GTF2F2: variants seen among roughly 807,000 people sequenced by gnomAD.
GTF2F2 encodes the protein general transcription factor IIF subunit 2.
Under a neutral mutation model 42.2 loss-of-function variants are expected in GTF2F2, and 23 were observed. The ratio of observed to expected loss-of-function variants is 0.55; its 90% CI spans 0.39 to 0.77. The LOEUF (loss-of-function observed/expected upper bound fraction) is 0.77, where lower values mean the gene tolerates loss of function less well. Ranked by LOEUF, GTF2F2 falls within the 30% of genes least tolerant of loss-of-function variation. GTF2F2 has a pLI of 0.00. For synonymous variants in GTF2F2, 105 were observed against 100.8 expected, an observed-to-expected ratio of 1.04 and a Z score of -0.25; for missense variants, 261 against 287.2, an observed-to-expected ratio of 0.91 and a Z score of 0.66.
intron 6 of GTF2F2, among the ~76,000 whole-genome samples, chr13:45,258,293 A>T (rs527654436): frequency 6.6e-6 from 1 of 152,220 alleles, no homozygotes; most frequent in East Asian, 1.9e-4. Flanking sequence ...TAGGAATACC[A>T]AATGGATGGG....
intron 4 of GTF2F2, among the ~76,000 whole-genome samples, chr13:45,186,832 C>G (rs975905404): frequency 1.3e-5 from 2 of 152,084 alleles, no homozygotes; most frequent in African/African-American, 2.4e-5. Context: ...TAGTAGACTT[C>G]CTCAATTTTA....
intron 4 of GTF2F2, among the ~76,000 whole-genome samples, chr13:45,172,185 C>T (rs1871630602): frequency 6.6e-6 from 1 of 152,150 alleles, no homozygotes. Context: ...TATTGTCTGT[C>T]CCTTTGATTA....
intron 4 of GTF2F2, among the ~76,000 whole-genome samples, chr13:45,164,277 CAA>C (rs150777733): frequency 8.5e-6 from 1 of 117,856 alleles, no homozygotes. Context: ...GAGACAGTCT[CAA>C]AAAAAAAAAA....
At chr13:45,268,118 TCCA>T (rs978845352) in intron 7 of GTF2F2, among the ~76,000 whole-genome samples, 4 of 152,148 alleles carry the variant, frequency 2.6e-5, no homozygotes, top group Admixed American at 2.6e-4. Flanking sequence ...TTTAACTTTC[TCCA>T]CCACATGTCA....
intron 5 of GTF2F2, among the ~76,000 whole-genome samples, chr13:45,246,153 C>T (rs1360368092): frequency 4.0e-5 from 6 of 151,176 alleles, no homozygotes; most frequent in Non-Finnish European, 8.9e-5. Context: ...GGACTGCAGG[C>T]GCCCGCCACC....
intron 4 of GTF2F2, among the ~76,000 whole-genome samples, chr13:45,181,180 ACAAAC>A (rs1176925631): frequency 4.4e-4 from 58 of 131,508 alleles, no homozygotes; most frequent in African/African-American, 5.4e-4. Context: ...AGACAAAAAA[ACAAAC>A]AAACAAAAAA....
chr13:45,211,829 G>A (rs1234317170), intron 5 of GTF2F2, among the ~76,000 whole-genome samples: 3 of 149,938 alleles, frequency 2.0e-5, no homozygotes, highest in African/African-American at 7.4e-5. Context: ...CAGGTGATCC[G>A]CCCACCTCGG....
chr13:45,157,636 T>A (rs1462786267), intron 4 of GTF2F2, among the ~76,000 whole-genome samples: 2 of 152,186 alleles, frequency 1.3e-5, no homozygotes, highest in Admixed American at 6.5e-5. Context: ...TTGGATTCTT[T>A]TTTTGGTGGG....
chr13:45,283,467 A>C lies in GTF2F2; in HGVS notation c.656A>C (p.Glu219Ala). 1.9e-6 allele frequency: 3 copies of C among 1,612,332 alleles called. No individual in the cohort carries two copies. The highest frequency in any genetic ancestry group is 2.5e-6 in the Non-Finnish European group (3 of 1,178,814). Reference sequence around the variant, plus strand: ...GTGTACCTGAAGGAAATCTTAAAAGAAATTGGTGTTCAGAATGTAAAAGGG... The same window carrying C: ...GTGTACCTGAAGGAAATCTTAAAAGCAATTGGTGTTCAGAATGTAAAAGGG... ...PVVYLKEILK[E>A]IGVQNVKGIH... The change falls in exon 8 of 8, where the codon GAA (glutamate) becomes GCA (alanine). Residue 219 changes from glutamate (E) to alanine (A), a missense_variant. Physicochemically the swap from Glu to Ala is moderately radical, Grantham distance 107. Coordinates refer to ENST00000340473, the MANE Select transcript of GTF2F2 (RefSeq NM_004128.3).
At chr13:45,127,347 A>G (rs1012822092) in intron 1 of GTF2F2, among the ~76,000 whole-genome samples, 1 of 151,832 alleles carries the variant, frequency 6.6e-6, no homozygotes, top group East Asian at 1.9e-4. Context: ...TCTTTTTGAG[A>G]CAGGGTCTCA....
chr13:45,185,902 GA>G (rs1482557042), intron 4 of GTF2F2, among the ~76,000 whole-genome samples: 7 of 151,616 alleles, frequency 4.6e-5, no homozygotes, highest in Non-Finnish European at 8.8e-5. Context: ...TGCGTAGATA[GA>G]AAAAAATATG....
chr13:45,273,929 C>T (rs971326428), intron 7 of GTF2F2, among the ~76,000 whole-genome samples: 20 of 152,096 alleles, frequency 1.3e-4, no homozygotes, highest in African/African-American at 4.6e-4. Context: ...TAATTTCCCT[C>T]GGGAAAGAAA....
In GTF2F2 at chr13:45,252,861, T is replaced by A. The variant is rs896098257; in HGVS notation, c.387-10T>A. The A allele has an allele frequency of 3.1e-6, 4 of 1,281,798 alleles. No homozygotes were observed. The highest frequency in any genetic ancestry group is 1.6e-5 in the African/African-American group (1 of 64,316). 79.4% of individuals were successfully genotyped at this position (1,281,798 alleles called of 1,614,324 possible). On this transcript the variant is annotated splice_polypyrimidine_tract_variant and intron_variant, in intron 5 of 7. Transcript: ENST00000340473. ...CAAGAGTGTTAATAATGCCTTATATTTTTTTTCAGATTGCAAATAGAAGAG... is the reference window on the plus strand; with the variant it reads ...CAAGAGTGTTAATAATGCCTTATATATTTTTTCAGATTGCAAATAGAAGAG...
At chr13:45,243,332 G>A (rs1875418035) in intron 5 of GTF2F2, among the ~76,000 whole-genome samples, 1 of 152,210 alleles carries the variant, frequency 6.6e-6, no homozygotes, top group African/African-American at 2.4e-5. Context: ...TCCGCCTCCT[G>A]TCTGATCAGC....
chr13:45,123,695 A>G (rs1347405952), intron 1 of GTF2F2, among the ~76,000 whole-genome samples: 1 of 151,868 alleles, frequency 6.6e-6, no homozygotes, highest in African/African-American at 2.4e-5. Context: ...GTGTTTAGGG[A>G]AAAACAAATA....
At chr13:45,155,443 T>G (rs1870709049) in intron 4 of GTF2F2, among the ~76,000 whole-genome samples, 1 of 152,216 alleles carries the variant, frequency 6.6e-6, no homozygotes, top group South Asian at 2.1e-4. Context: ...TGTTAGGAGT[T>G]TTAGTTTTAA....
chr13:45,203,905 G>A (rs1181212041), intron 4 of GTF2F2, among the ~76,000 whole-genome samples: 13 of 152,090 alleles, frequency 8.5e-5, no homozygotes, highest in Non-Finnish European at 1.6e-4. Context: ...AGCAGCTCTC[G>A]AAATGTGGTC....
chr13:45,165,310 AAT>A (rs1157066625), intron 4 of GTF2F2, among the ~76,000 whole-genome samples: 62 of 141,670 alleles, frequency 4.4e-4, no homozygotes, highest in Middle Eastern at 3.7e-3. Context: ...TTATATCTAA[AAT>A]ATATATATAT....
At chr13:45,222,911 T>C (rs896763359) in intron 5 of GTF2F2, among the ~76,000 whole-genome samples, 5 of 152,220 alleles carry the variant, frequency 3.3e-5, no homozygotes, top group Non-Finnish European at 7.3e-5. Context: ...ATTCCAGCCC[T>C]TTGGGAGACC....
Sources: gnomAD v4.1 joint callset for allele counts (sites outside exome capture counted in the v4.1 genomes callset) on GRCh38, gnomAD v4.1.1 for gene constraint, MANE v1.5 for transcripts, NCBI Gene and HGNC (gene_info 2026-07-23, HGNC 2026-07-21) for gene names.